MERTK: variants seen among roughly 807,000 people sequenced by gnomAD.
MERTK encodes MER proto-oncogene, tyrosine kinase.
Under a neutral mutation model 99.3 loss-of-function variants are expected in MERTK, and 69 were observed. The observed-to-expected ratio is 0.70, with a 90% CI of 0.57 to 0.85. The LOEUF is 0.85. Ranked by LOEUF, MERTK falls within the 40% of genes least tolerant of loss-of-function variation. The pLI, the probability that MERTK is intolerant of heterozygous loss-of-function variation, is 0.00. For missense variants in MERTK, 1,125 were observed against 1,249.4 expected, an observed-to-expected ratio of 0.90 and a Z score of 1.50; for synonymous variants, 426 against 467.6, an observed-to-expected ratio of 0.91 and a Z score of 1.15.
chr2:111,991,392 A>C (rs1418063065), intron 8 of MERTK, among the ~76,000 whole-genome samples: 1 of 151,894 alleles, frequency 6.6e-6, no homozygotes, highest in African/African-American at 2.4e-5. Context: ...CACCCTGCTA[A>C]TTTTTGTACT....
intron 4 of MERTK, among the ~76,000 whole-genome samples, chr2:111,948,392 C>T (rs1481326585): frequency 2.0e-5 from 3 of 152,166 alleles, no homozygotes; most frequent in African/African-American, 7.2e-5. Flanking sequence ...GATGCTTCCC[C>T]TTGGGAGAGT....
intron 3 of MERTK, among the ~76,000 whole-genome samples, chr2:111,946,170 C>A (rs1229288147): frequency 6.6e-6 from 1 of 152,124 alleles, no homozygotes; most frequent in East Asian, 1.9e-4. Context: ...TAGGCCCATC[C>A]CAGGCTGGAC....
chr2:111,977,931 G>A (rs1353361171), intron 7 of MERTK, among the ~76,000 whole-genome samples: 1 of 151,982 alleles, frequency 6.6e-6, no homozygotes, highest in Non-Finnish European at 1.5e-5. Context: ...CCAGAATGCA[G>A]TTATAATTAC....
At chr2:112,023,752 A>G (rs1677406009) in intron 18 of MERTK, among the ~76,000 whole-genome samples, 1 of 152,138 alleles carries the variant, frequency 6.6e-6, no homozygotes, top group Admixed American at 6.5e-5. Context: ...CTGTATAATA[A>G]GGGCCATGGG....
chr2:112,021,793 G>A (rs1357378768), intron 17 of MERTK, among the ~76,000 whole-genome samples: 2 of 152,206 alleles, frequency 1.3e-5, no homozygotes, highest in Admixed American at 6.5e-5. Flanking sequence ...CAGAAGATGT[G>A]TGCTTTGCAA....
At chr2:111,914,155 A>AGTG (rs1282716152) in intron 1 of MERTK, among the ~76,000 whole-genome samples, 1 of 126,726 alleles carries the variant, frequency 7.9e-6, no homozygotes, top group Non-Finnish European at 1.5e-5. Context: ...CCCAGGCTGG[A>AGTG]GTGCAGTGGC....
chr2:112,028,849 A>C lies in MERTK; in HGVS notation c.2985A>C (p.Ser995=). ...LLFADDSSEG[S]EVLM ...TTGCTGACGACTCCTCAGAAGGCTC[A>C]GAAGTCCTGATGTGAGGAGAGGTGC... Residue 995 remains serine, a synonymous_variant, in exon 19 of 19, where the codon TCA becomes TCC. Coordinates refer to ENST00000295408, the MANE Select transcript of MERTK (RefSeq NM_006343.3). The C allele has an allele frequency of 1.2e-6, 2 of 1,613,974 alleles. No individual in the cohort carries two copies. Among genetic ancestry groups the C allele is most frequent in the Non-Finnish European group, 1.7e-6 (2 of 1,180,030 alleles).
chr2:112,029,048 GA>G lies in MERTK; in HGVS notation c.*190del, dbSNP rs1254791917. 1.5e-6 allele frequency: 2 copies of G among 1,350,828 alleles called. No individual in the cohort carries two copies. Among genetic ancestry groups the G allele is most frequent in the East Asian group, 2.8e-5 (1 of 35,736 alleles). The allele number at this position is 1,350,828 out of a possible 1,614,324, so 83.7% of individuals were successfully genotyped here. On this transcript the variant is annotated 3_prime_UTR_variant, in exon 19 of 19. Coordinates refer to ENST00000295408, the MANE Select transcript of MERTK (RefSeq NM_006343.3). ...TACATAATATATATTTATTTAAAGA[GA>G]AAAAATATGTGTATATCATGGAAAA...
rs1347520418 is a variant in MERTK at position 111,939,961 on chromosome 2, C to T, written c.483-4999C>T. ...TTTATTTATTTAGGAGATGCCTGTCCTGGCTTCTTCCCTTCTGCCTCTGTC... is the reference window on the plus strand; with the variant it reads ...TTTATTTATTTAGGAGATGCCTGTCTTGGCTTCTTCCCTTCTGCCTCTGTC... On this transcript the variant is annotated intron_variant, in intron 2 of 18. Coordinates refer to ENST00000295408, the MANE Select transcript of MERTK (RefSeq NM_006343.3). Among the ~76,000 whole-genome samples, 5 of 152,016 alleles carry T rather than the reference C, an allele frequency of 3.3e-5. No homozygotes were observed. The East Asian group carries it at 9.6e-4, about 29-fold the overall frequency.
chr2:112,009,794 A>G (rs537178755), intron 14 of MERTK, 154 bp from the exon 15 acceptor site: 1 of 701,620 alleles, frequency 1.4e-6, no homozygotes, highest in African/African-American at 1.8e-5. Context: ...TGTGTGTTCC[A>G]TTTTCTAGAA....
At position 112,028,579 on chromosome 2, in the gene MERTK, C is replaced by T; in HGVS notation, c.2715C>T (p.Ser905=). The T allele has an allele frequency of 6.2e-7, 1 of 1,614,170 alleles. No homozygotes were observed. Among genetic ancestry groups the T allele is most frequent in the Non-Finnish European group, 8.5e-7 (1 of 1,180,036 alleles). ...LNIDPDSIIA[S]CTPRAAISVV... ...TCGACCCTGACTCTATAATTGCCTCCTGCACTCCCCGCGCTGCCATCAGTG... is the reference window on the plus strand; with the variant it reads ...TCGACCCTGACTCTATAATTGCCTCTTGCACTCCCCGCGCTGCCATCAGTG... The change falls in exon 19 of 19, where the codon TCC becomes TCT. Residue 905 remains serine, a synonymous_variant. Coordinates refer to ENST00000295408, the MANE Select transcript of MERTK (RefSeq NM_006343.3).
chr2:112,019,637 G>A (rs1483711088), intron 16 of MERTK, 115 bp downstream of exon 16: 1 of 817,226 alleles, frequency 1.2e-6, no homozygotes. Flanking sequence ...AGTCAGCGGG[G>A]GATGGTGTGG....
Position 111,929,202 on chromosome 2 carries a change from A to G in MERTK, c.144A>G (p.Thr48=), listed in dbSNP as rs547764575. 10 of 1,614,134 alleles carry G rather than the reference A, an allele frequency of 6.2e-6. No individual in the cohort carries two copies. In the South Asian group the frequency reaches 9.9e-5, roughly 16 times the overall value. Residue 48 remains threonine, a synonymous_variant, in exon 2 of 19, where the codon ACA becomes ACG. Coordinates refer to ENST00000295408, the MANE Select transcript of MERTK (RefSeq NM_006343.3). ...CAGGGAGCCTGCAAACTGACCACACACCGCTGTTATCCCTTCCTCACGCCA... is the reference window on the plus strand; with the variant it reads ...CAGGGAGCCTGCAAACTGACCACACGCCGCTGTTATCCCTTCCTCACGCCA... The part of the protein sequence containing the change: ...PFPGSLQTDH[T]PLLSLPHASG...
intron 1 of MERTK, among the ~76,000 whole-genome samples, chr2:111,907,162 C>A (rs1030760635): frequency 1.3e-5 from 2 of 152,136 alleles, no homozygotes; most frequent in Non-Finnish European, 2.9e-5. Context: ...CGCCTGTAAT[C>A]CCAGCACTTT....
At chr2:111,922,162 C>G (rs1420919773) in intron 1 of MERTK, among the ~76,000 whole-genome samples, 1 of 152,232 alleles carries the variant, frequency 6.6e-6, no homozygotes, top group South Asian at 2.1e-4. Flanking sequence ...AGGGCTGCCA[C>G]CTGCCCTGCT....
chr2:111,970,180 G>A (rs1159379920), intron 6 of MERTK, among the ~76,000 whole-genome samples: 3 of 146,464 alleles, frequency 2.0e-5, no homozygotes, highest in East Asian at 4.1e-4. Context: ...AATTTGAGAC[G>A]TAGTCTCGCT....
chr2:112,016,649 A>G (rs1381903961), intron 15 of MERTK, among the ~76,000 whole-genome samples: 1 of 152,238 alleles, frequency 6.6e-6, no homozygotes, highest in Middle Eastern at 3.2e-3. Flanking sequence ...AGACAGGTAG[A>G]TGATGAGACA....
At chr2:112,010,326 G>C in intron 15 of MERTK, 1 of 405,520 alleles carries the variant, frequency 2.5e-6, no homozygotes, top group Non-Finnish European at 4.7e-6. Context: ...ACTTGAGTTG[G>C]GTGGCCCAGG....
chr2:111,998,455 T>A (rs1676798253), intron 10 of MERTK, among the ~76,000 whole-genome samples: 1 of 152,210 alleles, frequency 6.6e-6, no homozygotes, highest in South Asian at 2.1e-4. Flanking sequence ...TGGAATACAG[T>A]GGTGAACAAA....
Sources: allele counts gnomAD v4.1 joint callset (sites outside exome capture counted in the v4.1 genomes callset), GRCh38; gene constraint gnomAD v4.1.1; transcripts MANE v1.5; gene names NCBI Gene and HGNC (gene_info 2026-07-23, HGNC 2026-07-21).